SAMD5: variants seen among roughly 807,000 people sequenced by gnomAD.
SAMD5 encodes the protein sterile alpha motif domain containing 5.
In SAMD5, 13 loss-of-function variants were observed where a neutral mutation model predicts 11.3. That is an observed-to-expected ratio of 1.15 (90% CI 0.75 to 1.83). The LOEUF is 1.83. SAMD5 is among the 40% of genes most tolerant of loss of function. The pLI is 0.00. For missense variants in SAMD5, 255 were observed against 239.1 expected (o/e 1.07, Z -0.44); for synonymous variants, 129 against 111.3 (o/e 1.16, Z -1.00).
At chr6:147,728,671 G>A (rs1791664545) in intron 1 of SAMD5, among the ~76,000 whole-genome samples, 1 of 152,152 alleles carries the variant, frequency 6.6e-6, no homozygotes, top group African/African-American at 2.4e-5. Flanking sequence ...AATAGAGGGA[G>A]TTGTAGATAA....
At chr6:147,828,265 T>A in the SAMD5 span, among the ~76,000 whole-genome samples, 1 of 152,186 alleles carries the variant, frequency 6.6e-6, no homozygotes, top group African/African-American at 2.4e-5. Context: ...AAAGAAATGC[T>A]CCATGTGAAT....
the SAMD5 span, among the ~76,000 whole-genome samples, chr6:147,876,968 G>A: frequency 6.6e-6 from 1 of 152,144 alleles, no homozygotes; most frequent in Non-Finnish European, 1.5e-5. Flanking sequence ...GTAGAGTTTA[G>A]TGATTAAGAG....
At chr6:147,787,980 G>A in the SAMD5 span, among the ~76,000 whole-genome samples, 1 of 152,286 alleles carries the variant, frequency 6.6e-6, no homozygotes, top group East Asian at 1.9e-4. Flanking sequence ...GGTTGCATAA[G>A]TATTCGGTGA....
chr6:147,600,577 AAAG>A (rs1345152404), intron 1 of SAMD5, among the ~76,000 whole-genome samples: 3 of 152,184 alleles, frequency 2.0e-5, no homozygotes, highest in African/African-American at 7.2e-5. Flanking sequence ...AAAATTAGAT[AAAG>A]AAACATATCT....
the SAMD5 span, among the ~76,000 whole-genome samples, chr6:147,928,476 G>T: frequency 6.6e-6 from 1 of 152,010 alleles, no homozygotes; most frequent in African/African-American, 2.4e-5. Flanking sequence ...AATACTTTTT[G>T]ATAGTTATTT....
rs115916562 is a variant in SAMD5, at chr6:147,636,793, A to C, written c.163-100524A>C. ...GTTACATTTTACTCAGTTTGATCTA[A>C]ACCCTTGATGAACAACCCTGAGACC... On this transcript the variant is annotated intron_variant, in intron 1 of 1. Transcript: ENST00000566741. Among the ~76,000 whole-genome samples, 808 of 152,326 alleles carry C rather than the reference A, an allele frequency of 5.3e-3. 3 individuals carry two copies. Among genetic ancestry groups the C allele is most frequent in the African/African-American group, 0.019 (775 of 41,572 alleles).
the SAMD5 span, among the ~76,000 whole-genome samples, chr6:147,908,778 A>G: frequency 0.17 from 26,181 of 152,178 alleles, 2,874 homozygotes; most frequent in Non-Finnish European, 0.24. Flanking sequence ...GGATTTGCTT[A>G]CCCAATTCAA....
chr6:147,949,544 CTACTTCTAA>C, the SAMD5 span, among the ~76,000 whole-genome samples: 17 of 152,294 alleles, frequency 1.1e-4, no homozygotes, highest in African/African-American at 4.1e-4. Flanking sequence ...TTCTATCACG[CTACTTCTAA>C]TGCTTCTACA....
intron 1 of SAMD5, among the ~76,000 whole-genome samples, chr6:147,710,012 C>T (rs1445789786): frequency 6.6e-6 from 1 of 152,174 alleles, no homozygotes; most frequent in African/African-American, 2.4e-5. Flanking sequence ...TACGATCAGG[C>T]CTCTGTCTAC....
the SAMD5 span, among the ~76,000 whole-genome samples, chr6:147,917,276 G>A: frequency 6.9e-6 from 1 of 145,450 alleles, no homozygotes; most frequent in Non-Finnish European, 1.5e-5. Context: ...GTATCTCATT[G>A]TGGTTTTGAT....
chr6:147,681,140 G>A (rs1790935222), intron 1 of SAMD5, among the ~76,000 whole-genome samples: 1 of 152,070 alleles, frequency 6.6e-6, no homozygotes, highest in South Asian at 2.1e-4. Flanking sequence ...ATTTATTTTT[G>A]TAGGAAAGCT....
At chr6:147,751,080 C>G in the SAMD5 span, among the ~76,000 whole-genome samples, 1 of 152,166 alleles carries the variant, frequency 6.6e-6, no homozygotes, top group African/African-American at 2.4e-5. Flanking sequence ...CGACACATCT[C>G]CTTTCTGCTC....
chr6:147,840,000 G>T, the SAMD5 span, among the ~76,000 whole-genome samples: 1 of 152,156 alleles, frequency 6.6e-6, no homozygotes. Context: ...CCAGGCTTTT[G>T]ATCCAAAACC....
rs374817690 is a variant in SAMD5, at chr6:147,724,087, T to C, written c.163-13230T>C. Among the ~76,000 whole-genome samples the C allele has an allele frequency of 2.7e-4, 41 of 152,278 alleles. No homozygotes were observed. In the East Asian group the frequency reaches 6.0e-3, roughly 22 times the overall value. ...TAATTCAACATTTTTCTTTAACATT[T>C]CTCATCAGTTCTTCTAATGAGAGTA... On this transcript the variant is annotated intron_variant, in intron 1 of 1. Transcript: ENST00000566741.
At chr6:147,750,390 C>T in the SAMD5 span, among the ~76,000 whole-genome samples, 13 of 152,158 alleles carry the variant, frequency 8.5e-5, no homozygotes, top group Admixed American at 5.9e-4. Context: ...ATCAATTTAT[C>T]CTAGTAACTC....
the SAMD5 span, among the ~76,000 whole-genome samples, chr6:147,855,681 AT>A: frequency 3.9e-5 from 6 of 152,160 alleles, no homozygotes; most frequent in African/African-American, 4.8e-5. Flanking sequence ...GACCAAAAAA[AT>A]AAAAAAATAA....
At chr6:147,858,211 G>T in the SAMD5 span, among the ~76,000 whole-genome samples, 2 of 152,120 alleles carry the variant, frequency 1.3e-5, no homozygotes, top group East Asian at 3.9e-4. Context: ...AAATGAACCC[G>T]ATCGCTGTTG....
chr6:147,919,149 A>C, the SAMD5 span, among the ~76,000 whole-genome samples: 2 of 152,128 alleles, frequency 1.3e-5, no homozygotes, highest in Non-Finnish European at 2.9e-5. Context: ...GCTTGTCACT[A>C]ATTGTCTCAT....
chr6:147,619,844 T>C (rs967833197), intron 1 of SAMD5, among the ~76,000 whole-genome samples: 2 of 152,158 alleles, frequency 1.3e-5, no homozygotes, highest in Non-Finnish European at 2.9e-5. Flanking sequence ...CCTCAAAGGC[T>C]GATACCCAGT....
Sources: gnomAD v4.1 joint callset for allele counts (sites outside exome capture counted in the v4.1 genomes callset) on GRCh38, gnomAD v4.1.1 for gene constraint, MANE v1.5 for transcripts, NCBI Gene and HGNC (gene_info 2026-07-23, HGNC 2026-07-21) for gene names.